Variants in ROBO1 observed in about 807,000 individuals in gnomAD.
ROBO1 encodes roundabout homolog 1.
A neutral mutation model predicts 195.9 loss-of-function variants in ROBO1; 149 were observed. That is an observed-to-expected ratio of 0.76 (90% CI 0.67 to 0.87). ROBO1 has a LOEUF of 0.87. Ranked by LOEUF, ROBO1 falls within the 40% of genes least tolerant of loss-of-function variation. ROBO1 has a pLI of 0.00. For synonymous variants in ROBO1, 816 were observed against 733.2 expected (o/e 1.11, Z -1.82); for missense variants, 1,933 against 2,068.3 (o/e 0.93, Z 1.27).
intron 4 of ROBO1, among the ~76,000 whole-genome samples, chr3:78,748,597 TA>T (rs1411957236): frequency 6.6e-6 from 1 of 152,134 alleles, no homozygotes; most frequent in African/African-American, 2.4e-5. Flanking sequence ...TACTACAGTG[TA>T]AAAAACTTAT....
intron 2 of ROBO1, among the ~76,000 whole-genome samples, chr3:79,460,735 ATT>A (rs1937604488): frequency 6.6e-6 from 1 of 151,988 alleles, no homozygotes; most frequent in East Asian, 1.9e-4. Flanking sequence ...TTTAAGCAGT[ATT>A]TTTTTCTTTT....
At chr3:79,575,235 TAAATATATATAAC>T in intron 2 of ROBO1, among the ~76,000 whole-genome samples, 1 of 80,350 alleles carries the variant, frequency 1.2e-5, no homozygotes, top group Non-Finnish European at 2.4e-5. Flanking sequence ...CAAATATATA[TAAATATATATAAC>T]AAATATATAT....
chr3:79,550,247 G>A (rs1348477389), intron 2 of ROBO1, among the ~76,000 whole-genome samples: 1 of 134,290 alleles, frequency 7.4e-6, no homozygotes, highest in African/African-American at 3.1e-5. Context: ...AAAAGAAAAG[G>A]GGATCTTAAA....
At chr3:79,402,241 C>G (rs1701484248) in intron 2 of ROBO1, among the ~76,000 whole-genome samples, 1 of 151,682 alleles carries the variant, frequency 6.6e-6, no homozygotes. Flanking sequence ...AGTTCTGATT[C>G]CATTAAAAAT....
chr3:78,818,444 C>T (rs1250940403), intron 4 of ROBO1, among the ~76,000 whole-genome samples: 2 of 152,160 alleles, frequency 1.3e-5, no homozygotes, highest in Non-Finnish European at 2.9e-5. Context: ...CCACAAGTGC[C>T]CATGACGATT....
At chr3:78,854,298 A>C (rs1392590592) in intron 4 of ROBO1, among the ~76,000 whole-genome samples, 1 of 147,114 alleles carries the variant, frequency 6.8e-6, no homozygotes, top group African/African-American at 2.5e-5. Context: ...TTATATATAA[A>C]ACTATAAATA....
At chr3:79,108,010 A>G (rs958810982) in intron 3 of ROBO1, among the ~76,000 whole-genome samples, 1 of 151,788 alleles carries the variant, frequency 6.6e-6, no homozygotes, top group African/African-American at 2.4e-5. Context: ...GAATGCTGTT[A>G]ATACCAGTAA....
chr3:78,952,527 C>T (rs1050756656), intron 3 of ROBO1, among the ~76,000 whole-genome samples: 3 of 151,836 alleles, frequency 2.0e-5, no homozygotes, highest in Non-Finnish European at 4.4e-5. Context: ...CTGTAATTTT[C>T]CTGTCAGAAT....
intron 3 of ROBO1, among the ~76,000 whole-genome samples, chr3:79,062,504 A>G (rs537122243): frequency 6.6e-6 from 1 of 152,266 alleles, no homozygotes; most frequent in Admixed American, 6.5e-5. Context: ...CTGGGTATAT[A>G]CCCAAAGGAT....
At position 79,626,361 on chromosome 3, in the gene ROBO1, C is replaced by T. The variant is rs375464985; in HGVS notation, c.-50-36400G>A. Among the ~76,000 whole-genome samples the T allele has an allele frequency of 3.3e-5, 5 of 151,954 alleles. No individual in the cohort carries two copies. The East Asian group carries it at 7.8e-4, about 24-fold the overall frequency. On this transcript the variant is annotated intron_variant, in intron 1 of 30. Transcript: ENST00000464233. ...CCGAGGCAGGAATATCACTTGAACC[C>T]GGGAGGTGGAGCTTGCAGTGAGCCA...
chr3:79,526,143 G>A (rs527547301), intron 2 of ROBO1, among the ~76,000 whole-genome samples: 2 of 152,220 alleles, frequency 1.3e-5, no homozygotes, highest in South Asian at 2.1e-4. Flanking sequence ...AAGAATTTAT[G>A]TAATTGCAAA....
chr3:79,203,428 C>T (rs1426740756), intron 2 of ROBO1, among the ~76,000 whole-genome samples: 2 of 152,174 alleles, frequency 1.3e-5, no homozygotes, highest in Non-Finnish European at 2.9e-5. Flanking sequence ...GAGAACTTTC[C>T]TTTCTGTTAA....
intron 2 of ROBO1, among the ~76,000 whole-genome samples, chr3:79,557,037 T>C (rs2107693797): frequency 6.6e-6 from 1 of 151,384 alleles, no homozygotes; most frequent in African/African-American, 2.4e-5. Flanking sequence ...TTTTTTATTT[T>C]TGTGGCAGAC....
At chr3:78,712,204 A>C (rs577005914) in intron 8 of ROBO1, among the ~76,000 whole-genome samples, 1 of 152,150 alleles carries the variant, frequency 6.6e-6, no homozygotes, top group African/African-American at 2.4e-5. Flanking sequence ...GATCAAAATT[A>C]AATACTCATT....
At chr3:79,467,254 G>T (rs989203928) in intron 2 of ROBO1, among the ~76,000 whole-genome samples, 56 of 151,924 alleles carry the variant, frequency 3.7e-4, no homozygotes, top group Non-Finnish European at 1.5e-5. Context: ...ACTGTTCTTG[G>T]TTTACTTTGG....
At chr3:78,787,671 C>T (rs1022040513) in intron 4 of ROBO1, among the ~76,000 whole-genome samples, 1 of 152,112 alleles carries the variant, frequency 6.6e-6, no homozygotes, top group Non-Finnish European at 1.5e-5. Flanking sequence ...TGGTCAGGTG[C>T]GGTGGCTAAT....
At chr3:79,633,760 A>C (rs1228166873) in intron 1 of ROBO1, among the ~76,000 whole-genome samples, 2 of 151,884 alleles carry the variant, frequency 1.3e-5, no homozygotes, top group Non-Finnish European at 1.5e-5. Context: ...AACCTTTGAT[A>C]CCCCATAGTC....
intron 1 of ROBO1, among the ~76,000 whole-genome samples, chr3:79,715,482 A>C (rs2107259323): frequency 6.6e-6 from 1 of 152,240 alleles, no homozygotes; most frequent in African/African-American, 2.4e-5. Context: ...TTTTAGCAAG[A>C]AAGTACTTTA....
chr3:79,251,417 C>G (rs1328709405), intron 2 of ROBO1, among the ~76,000 whole-genome samples: 1 of 152,054 alleles, frequency 6.6e-6, no homozygotes, highest in African/African-American at 2.4e-5. Context: ...CTGTAAAATA[C>G]TGTAGGTCAA....
Sources: allele counts gnomAD v4.1 joint callset (sites outside exome capture counted in the v4.1 genomes callset), GRCh38; gene constraint gnomAD v4.1.1; transcripts MANE v1.5; gene names NCBI Gene and HGNC (gene_info 2026-07-23, HGNC 2026-07-21).